SHISA9: variants seen among roughly 807,000 people sequenced by gnomAD.
The protein encoded by SHISA9 is shisa family member 9, also known as protein shisa-9.
A neutral mutation model predicts 38.0 loss-of-function variants in SHISA9; 13 were observed. The ratio of observed to expected loss-of-function variants is 0.34; its 90% confidence interval spans 0.22 to 0.54. The LOEUF is 0.54. Ranked by LOEUF, SHISA9 falls within the 20% of genes least tolerant of loss-of-function variation. The pLI, the probability that SHISA9 is intolerant of heterozygous loss-of-function variation, is 0.91. For synonymous variants in SHISA9, 275 were observed against 242.0 expected, an observed-to-expected ratio of 1.14 and a Z score of -1.27; for missense variants, 538 against 575.8, an observed-to-expected ratio of 0.93 and a Z score of 0.67.
At chr16:13,409,204 C>A in the SHISA9 span, among the ~76,000 whole-genome samples, 5 of 152,134 alleles carry the variant, frequency 3.3e-5, no homozygotes, top group Non-Finnish European at 7.4e-5. Flanking sequence ...AGGGGAAGAT[C>A]ATCTTCCCAC....
chr16:13,452,869 T>C, the SHISA9 span, among the ~76,000 whole-genome samples: 1 of 151,714 alleles, frequency 6.6e-6, no homozygotes, highest in African/African-American at 2.4e-5. Context: ...ACTCTCATCT[T>C]CTAAAGGTTG....
chr16:13,171,159 A>AG (rs1297474499), intron 2 of SHISA9, among the ~76,000 whole-genome samples: 9 of 152,156 alleles, frequency 5.9e-5, no homozygotes, highest in Admixed American at 2.0e-4. Context: ...GACAGCAAAG[A>AG]TCCCAGACTC....
chr16:13,404,821 C>T, the SHISA9 span, among the ~76,000 whole-genome samples: 2 of 152,110 alleles, frequency 1.3e-5, no homozygotes, highest in African/African-American at 4.8e-5. Context: ...ACATGTGATC[C>T]AGCAATGGAC....
intron 2 of SHISA9, among the ~76,000 whole-genome samples, chr16:13,194,244 C>T (rs2050915632): frequency 6.6e-6 from 1 of 152,114 alleles, no homozygotes; most frequent in Admixed American, 6.5e-5. Context: ...AAACACCTTC[C>T]AAAGACAAAT....
At chr16:13,523,623 G>C in the SHISA9 span, among the ~76,000 whole-genome samples, 3 of 152,238 alleles carry the variant, frequency 2.0e-5, no homozygotes, top group Admixed American at 2.0e-4. Flanking sequence ...AAGAGCGATG[G>C]GGGAGGTGCT....
At chr16:13,169,297 C>G (rs1352797196) in intron 2 of SHISA9, among the ~76,000 whole-genome samples, 1 of 152,194 alleles carries the variant, frequency 6.6e-6, no homozygotes, top group Non-Finnish European at 1.5e-5. Flanking sequence ...ATAGTGAAAA[C>G]AACACCATTT....
At chr16:13,396,506 C>G in the SHISA9 span, among the ~76,000 whole-genome samples, 6 of 152,258 alleles carry the variant, frequency 3.9e-5, no homozygotes, top group African/African-American at 1.4e-4. Flanking sequence ...CTCCCCGACC[C>G]TCAACCAGAA....
Position 13,112,900 on chromosome 16 carries a change from C to G in SHISA9, c.692-90494C>G, listed in dbSNP as rs1386398128. ...TCTTTTTACCCTAATTCCATCTCAG[C>G]TTGCAGGCAATAGAGTAAAAAATTT... On this transcript the variant is annotated intron_variant, in intron 2 of 4. Transcript: ENST00000558583. Among the ~76,000 whole-genome samples, 11 of 152,070 alleles carry G rather than the reference C, an allele frequency of 7.2e-5. 1 individual carries two copies. The highest frequency in any genetic ancestry group is 1.5e-5 in the Non-Finnish European group (1 of 67,986).
Position 12,993,139 on chromosome 16 carries a change from G to C in SHISA9, c.691+76324G>C, listed in dbSNP as rs1197447059. ...CATGGTAGAGGTTGGGTAGAGAGGA[G>C]AATGGGTAGCATCGGCCTGTCCGTG... On this transcript the variant is annotated intron_variant, in intron 2 of 4. Coordinates refer to ENST00000558583, the MANE Select transcript of SHISA9 (RefSeq NM_001145204.3). Among the ~76,000 whole-genome samples, 4 of 152,224 alleles carry C rather than the reference G, an allele frequency of 2.6e-5. No individual in the cohort carries two copies. In the South Asian group the frequency reaches 8.3e-4, roughly 31 times the overall value.
intron 2 of SHISA9, among the ~76,000 whole-genome samples, chr16:13,093,954 G>C (rs2073800882): frequency 6.6e-6 from 1 of 152,076 alleles, no homozygotes; most frequent in Admixed American, 6.6e-5. Context: ...CTCCTTGTCT[G>C]CCTTTCCCAC....
chr16:13,244,941 G>C (rs761689145), downstream of SHISA9, among the ~76,000 whole-genome samples: 35 of 152,158 alleles, frequency 2.3e-4, no homozygotes, highest in Non-Finnish European at 5.0e-4. Flanking sequence ...TTTGAGACAG[G>C]ATCTCACTCT....
At chr16:12,970,401 A>G (rs1256206116) in intron 2 of SHISA9, among the ~76,000 whole-genome samples, 1 of 5,204 alleles carries the variant, frequency 1.9e-4, no homozygotes, top group Non-Finnish European at 4.1e-4. Context: ...ATATATATAT[A>G]TACATATATA....
At chr16:13,465,703 C>G in the SHISA9 span, among the ~76,000 whole-genome samples, 2 of 152,176 alleles carry the variant, frequency 1.3e-5, no homozygotes, top group Non-Finnish European at 2.9e-5. Flanking sequence ...GAAGGCAGAT[C>G]CAGGTTCAAG....
intron 2 of SHISA9, among the ~76,000 whole-genome samples, chr16:12,925,883 G>GTAT (rs1353608396): frequency 6.6e-6 from 1 of 151,812 alleles, no homozygotes; most frequent in African/African-American, 2.4e-5. Context: ...GCTCTTTTTG[G>GTAT]TATTATTATT....
the SHISA9 span, among the ~76,000 whole-genome samples, chr16:13,542,602 A>T: frequency 6.7e-6 from 1 of 150,338 alleles, no homozygotes; most frequent in Non-Finnish European, 1.5e-5. Flanking sequence ...GCCCCCCCCT[A>T]CTCTATGCTG....
chr16:13,473,264 TTAAAG>T, the SHISA9 span, among the ~76,000 whole-genome samples: 1 of 152,162 alleles, frequency 6.6e-6, no homozygotes, highest in Non-Finnish European at 1.5e-5. Flanking sequence ...ATACTTCTCT[TTAAAG>T]TAATTACTTC....
the SHISA9 span, among the ~76,000 whole-genome samples, chr16:13,296,001 C>T: frequency 2.0e-5 from 3 of 152,056 alleles, no homozygotes; most frequent in South Asian, 2.1e-4. Flanking sequence ...AGCTAGAAAA[C>T]GGGAAGGATT....
At chr16:13,490,863 A>G in the SHISA9 span, among the ~76,000 whole-genome samples, 6 of 152,328 alleles carry the variant, frequency 3.9e-5, no homozygotes, top group Non-Finnish European at 5.9e-5. Flanking sequence ...AGGTTGTAAT[A>G]TATTCTCTGC....
the SHISA9 span, among the ~76,000 whole-genome samples, chr16:13,432,513 G>GA: frequency 6.6e-6 from 1 of 152,072 alleles, no homozygotes; most frequent in Non-Finnish European, 1.5e-5. Context: ...TAGAGTCATA[G>GA]AAAAAATAGT....
Sources: gnomAD v4.1 joint callset for allele counts (sites outside exome capture counted in the v4.1 genomes callset) on GRCh38, gnomAD v4.1.1 for gene constraint, MANE v1.5 for transcripts, NCBI Gene and HGNC (gene_info 2026-07-23, HGNC 2026-07-21) for gene names.